VTCN1: variants seen among roughly 807,000 people sequenced by gnomAD.
VTCN1 encodes V-set domain containing T cell activation inhibitor 1.
VTCN1 carries 26 observed loss-of-function variants against 26.5 expected under a neutral mutation model. That is an observed-to-expected ratio of 0.98 (90% CI 0.72 to 1.36). The LOEUF (loss-of-function observed/expected upper bound fraction) is 1.36. VTCN1 is among the 40% of genes most tolerant of loss of function. VTCN1 has a pLI of 0.00. For missense variants in VTCN1, 298 were observed against 337.7 expected, an observed-to-expected ratio of 0.88 and a Z score of 0.92; for synonymous variants, 116 against 130.7, an observed-to-expected ratio of 0.89 and a Z score of 0.77.
At chr1:117,200,255 C>T (rs1343450066) in intron 1 of VTCN1, among the ~76,000 whole-genome samples, 1 of 152,048 alleles carries the variant, frequency 6.6e-6, no homozygotes, top group Non-Finnish European at 1.5e-5. Flanking sequence ...AATAAAGTGG[C>T]TAGGCATGGT....
rs189928219 is a variant in VTCN1, at chr1:117,145,824, G to T, written c.*46-599C>A. Among the ~76,000 whole-genome samples, 4 of 152,114 alleles carry T rather than the reference G, an allele frequency of 2.6e-5. No individual in the cohort carries two copies. The East Asian group carries it at 7.8e-4, about 29-fold the overall frequency. On this transcript the variant is annotated intron_variant, in intron 5 of 5. Transcript: ENST00000369458. The surrounding 1 kb of genome is among the most constrained non-coding windows in gnomAD (Gnocchi z 4.6). ...TTTTTAAATTTTTTTGTAGAGATGG[G>T]GGTCTCACCATATTGCCCAGGTTGG...
intron 1 of VTCN1, 26 bp downstream of exon 1, chr1:117,210,798 A>C: frequency 6.2e-7 from 1 of 1,612,756 alleles, no homozygotes. Flanking sequence ...TTCACCCATA[A>C]GGATAGAGAG....
At chr1:117,151,516 G>T in intron 4 of VTCN1, among the ~76,000 whole-genome samples, 1 of 152,066 alleles carries the variant, frequency 6.6e-6, no homozygotes, top group Non-Finnish European at 1.5e-5. Flanking sequence ...CCCTTATTTG[G>T]CCCCGCCCAC....
At chr1:117,168,501 G>A (rs1652728259) in intron 2 of VTCN1, among the ~76,000 whole-genome samples, 2 of 152,102 alleles carry the variant, frequency 1.3e-5, no homozygotes, top group Admixed American at 1.3e-4. Context: ...CTTGGAATAG[G>A]CAAAGATTTC....
intron 1 of VTCN1, among the ~76,000 whole-genome samples, chr1:117,198,303 A>G (rs1346070157): frequency 6.6e-6 from 1 of 152,208 alleles, no homozygotes; most frequent in African/African-American, 2.4e-5. Flanking sequence ...TGAATGACAG[A>G]CAGCCCTATT....
Position 117,156,904 on chromosome 1 carries a change from C to T in VTCN1, c.115G>A (p.Val39Ile). 1 of 1,614,038 alleles carries T rather than the reference C, an allele frequency of 6.2e-7. No homozygotes were observed. Among genetic ancestry groups the T allele is most frequent in the African/African-American group, 1.3e-5 (1 of 74,982 alleles). Residue 39 changes from valine to isoleucine, a missense_variant, in exon 3 of 6, where the codon GTC (valine) becomes ATC (isoleucine). By Grantham distance (29) the Val-to-Ile change is conservative. Coordinates refer to ENST00000369458, the MANE Select transcript of VTCN1 (RefSeq NM_024626.4). ...FGISGRHSIT[V>I]TTVASAGNIG... ...TTCCCAGCTGAGGCGACAGTAGTGA[C>T]TGTGATGGAGTGTCTCCCTGCAGTT...
Position 117,161,291 on chromosome 1 carries a change from C to T in VTCN1, c.98-4370G>A, listed in dbSNP as rs1420920656. 6.6e-6 allele frequency among the ~76,000 whole-genome samples: 1 copy of T among 152,202 alleles called. No individual in the cohort carries two copies. The highest frequency in any genetic ancestry group is 1.5e-5 in the Non-Finnish European group (1 of 68,032). On this transcript the variant is annotated intron_variant, in intron 2 of 5. Transcript: ENST00000369458. This position sits in a 1 kb window ranked among gnomAD's most constrained non-coding sequence, Gnocchi z 4.3. ...CACTATGCGCCTTCACACTGCTGTT[C>T]ATCTTGTACCTATTAATTCATAGCT...
At chr1:117,174,982 CT>C (rs1417459561) in intron 1 of VTCN1, among the ~76,000 whole-genome samples, 2 of 152,170 alleles carry the variant, frequency 1.3e-5, no homozygotes, top group Admixed American at 1.3e-4. Context: ...CTTTCAGAGG[CT>C]GCAGAACCCA....
At chr1:117,179,144 C>T (rs138842239) in intron 1 of VTCN1, among the ~76,000 whole-genome samples, 3 of 152,188 alleles carry the variant, frequency 2.0e-5, no homozygotes, top group Non-Finnish European at 2.9e-5. Flanking sequence ...CTCCGTACTA[C>T]GAACTATTTG....
Position 117,170,155 on chromosome 1 carries a change from T to A in VTCN1, c.49A>T (p.Ile17Phe). The A allele has an allele frequency of 6.2e-7, 1 of 1,613,858 alleles. No individual in the cohort carries two copies. The highest frequency in any genetic ancestry group is 8.5e-7 in the Non-Finnish European group (1 of 1,179,932). Residue 17 changes from isoleucine (I) to phenylalanine (F), a missense_variant, in exon 2 of 6, where the codon ATT becomes TTT. Physicochemically the swap from Ile to Phe is conservative, Grantham distance 21. Transcript: ENST00000369458. ...ILFWSIISII[I>F]ILAGAIALII... ...AGTGCAATTGCTCCAGCCAGAATAA[T>A]GATGATGCTAATTATGCTACGGGAA...
At chr1:117,194,437 T>C (rs1486724674) in intron 1 of VTCN1, among the ~76,000 whole-genome samples, 1 of 152,218 alleles carries the variant, frequency 6.6e-6, no homozygotes, top group Non-Finnish European at 1.5e-5. Context: ...TAAATTGGTA[T>C]AGTTATTGTG....
intron 1 of VTCN1, among the ~76,000 whole-genome samples, chr1:117,171,884 T>C (rs1263660568): frequency 6.6e-6 from 1 of 152,104 alleles, no homozygotes; most frequent in African/African-American, 2.4e-5. Context: ...GTACCAAGGG[T>C]AGGAGCTCAC....
chr1:117,186,617 G>A (rs932426070), intron 1 of VTCN1, among the ~76,000 whole-genome samples: 1 of 152,202 alleles, frequency 6.6e-6, no homozygotes, highest in East Asian at 1.9e-4. Flanking sequence ...TAGAATGCAG[G>A]GAATGAGAGG....
At chr1:117,202,057 C>T (rs929911017) in intron 1 of VTCN1, among the ~76,000 whole-genome samples, 1 of 152,186 alleles carries the variant, frequency 6.6e-6, no homozygotes, top group Non-Finnish European at 1.5e-5. Context: ...AAAAGAAATT[C>T]CCTCCCACAC....
intron 1 of VTCN1, among the ~76,000 whole-genome samples, chr1:117,208,097 A>G (rs11805655): frequency 0.57 from 86,192 of 152,000 alleles, 26,544 homozygotes; most frequent in Non-Finnish European, 0.67. Context: ...AGGGCTCCTC[A>G]TCACCACAAA....
chr1:117,205,356 T>C (rs539078496), intron 1 of VTCN1, among the ~76,000 whole-genome samples: 1 of 152,156 alleles, frequency 6.6e-6, no homozygotes, highest in Admixed American at 6.5e-5. Context: ...GGTTTCACCA[T>C]GTTACCCAGG....
chr1:117,171,752 A>G (rs1437876380), intron 1 of VTCN1, among the ~76,000 whole-genome samples: 1 of 152,212 alleles, frequency 6.6e-6, no homozygotes, highest in African/African-American at 2.4e-5. Context: ...TATTGTCTCC[A>G]TTTTATAGAT....
chr1:117,181,907 G>A (rs956468516), intron 1 of VTCN1, among the ~76,000 whole-genome samples: 1 of 152,164 alleles, frequency 6.6e-6, no homozygotes, highest in Non-Finnish European at 1.5e-5. Context: ...TGGCCTGACA[G>A]GGAGAGTGAG....
rs916031930 is a variant in VTCN1, at chr1:117,161,296, T to C, written c.98-4375A>G. Among the ~76,000 whole-genome samples, 2 of 152,244 alleles carry C rather than the reference T, an allele frequency of 1.3e-5. No individual in the cohort carries two copies. Among genetic ancestry groups the C allele is most frequent in the Non-Finnish European group, 2.9e-5 (2 of 68,042 alleles). ...TGCGCCTTCACACTGCTGTTCATCT[T>C]GTACCTATTAATTCATAGCTCACAC... is the stretch of plus-strand genomic sequence containing the variant. On this transcript the variant is annotated intron_variant, in intron 2 of 5. Transcript: ENST00000369458. The surrounding 1 kb of genome is among the most constrained non-coding windows in gnomAD (Gnocchi z 4.3).
Sources: allele counts gnomAD v4.1 joint callset (sites outside exome capture counted in the v4.1 genomes callset), GRCh38; gene constraint gnomAD v4.1.1; non-coding constraint Gnocchi (gnomAD v3.1); transcripts MANE v1.5; gene names NCBI Gene and HGNC (gene_info 2026-07-23, HGNC 2026-07-21).